UBXN2B: variants seen among roughly 807,000 people sequenced by gnomAD.
UBXN2B encodes UBX domain protein 2B.
UBXN2B carries 19 observed loss-of-function variants against 37.5 expected under a neutral mutation model. The observed-to-expected ratio is 0.51, with a 90% CI of 0.35 to 0.74. The LOEUF (loss-of-function observed/expected upper bound fraction) is 0.74, where lower values mean the gene tolerates loss of function less well. UBXN2B is among the 30% of genes least tolerant of loss of function. UBXN2B has a pLI of 0.01. For missense variants in UBXN2B, 370 were observed against 393.2 expected, an observed-to-expected ratio of 0.94 and a Z score of 0.50; for synonymous variants, 145 against 143.8, an observed-to-expected ratio of 1.01 and a Z score of -0.06.
intron 2 of UBXN2B, among the ~76,000 whole-genome samples, chr8:58,423,868 A>G (rs1199705364): frequency 2.6e-5 from 4 of 152,006 alleles, no homozygotes; most frequent in Admixed American, 6.6e-5. Flanking sequence ...TGCAAAGAAA[A>G]TATGGCAAAC....
rs200008585 is a variant in UBXN2B, at chr8:58,416,952, C to T, written c.187C>T (p.Arg63Trp). Reference sequence around the variant, plus strand: ...CAAGAGCCCACGGACACCACCTCAACGGTAAGTTTTATTTTGTTTTGTTGT... The same window carrying T: ...CAAGAGCCCACGGACACCACCTCAATGGTAAGTTTTATTTTGTTTTGTTGT... ...VFKSPRTPPQ[R>W]FYSSEHEYSG... The change falls in exon 2 of 8, where the codon CGG becomes TGG. Residue 63 changes from arginine to tryptophan, a missense_variant and splice_region_variant. Transcript: ENST00000399598. The T allele has an allele frequency of 1.4e-4, 215 of 1,589,808 alleles. No homozygotes were observed. Among genetic ancestry groups the T allele is most frequent in the Non-Finnish European group, 1.7e-4 (194 of 1,166,602 alleles).
chr8:58,443,051 T>G (rs899302019), intron 6 of UBXN2B, among the ~76,000 whole-genome samples: 1 of 152,198 alleles, frequency 6.6e-6, no homozygotes, highest in Non-Finnish European at 1.5e-5. Flanking sequence ...GACTCAGTAC[T>G]TCTGGGGACA....
chr8:58,426,367 C>T (rs1449898766), intron 2 of UBXN2B: 8 of 493,444 alleles, frequency 1.6e-5, no homozygotes, highest in South Asian at 4.0e-5. Context: ...CCACCATGCC[C>T]GGCTAATTTT....
At chr8:58,423,935 G>GA (rs917656902) in intron 2 of UBXN2B, among the ~76,000 whole-genome samples, 55 of 143,206 alleles carry the variant, frequency 3.8e-4, no homozygotes, top group South Asian at 4.5e-4. Flanking sequence ...TCATCGGCTG[G>GA]AAAAAAAAAA....
In UBXN2B at chr8:58,450,200, T is replaced by G. The variant is rs2129604838; in HGVS notation, c.*2649T>G. 6.6e-6 allele frequency: 1 copy of G among 152,334 alleles called. No individual in the cohort carries two copies. Among genetic ancestry groups the G allele is most frequent in the East Asian group, 1.9e-4 (1 of 5,188 alleles). 9.4% of individuals were successfully genotyped at this position (152,334 alleles called of 1,614,324 possible). On this transcript the variant is annotated 3_prime_UTR_variant, in exon 8 of 8. Coordinates refer to ENST00000399598, the MANE Select transcript of UBXN2B (RefSeq NM_001077619.2). ...TTTTGCCATTTGAATAGGCCGCGAA[T>G]TTCCCAAATCATCAAGTCCTGGTTT...
intron 2 of UBXN2B, 106 bp from the exon 3 acceptor site, chr8:58,430,413 C>T: frequency 1.2e-5 from 9 of 772,864 alleles, no homozygotes; most frequent in South Asian, 5.6e-5. Flanking sequence ...CAAAATAATG[C>T]CTCTTTTTAA....
chr8:58,444,364 C>G (rs1363563394), intron 6 of UBXN2B, among the ~76,000 whole-genome samples: 2 of 152,198 alleles, frequency 1.3e-5, no homozygotes, highest in African/African-American at 4.8e-5. Context: ...AGCACTGCTG[C>G]TGTTGGCTCT....
At chr8:58,417,889 C>T (rs992404410) in intron 2 of UBXN2B, among the ~76,000 whole-genome samples, 6 of 152,150 alleles carry the variant, frequency 3.9e-5, no homozygotes, top group Non-Finnish European at 7.4e-5. Flanking sequence ...GATACTTCAG[C>T]ATGAGTCTCC....
chr8:58,424,690 G>C (rs368491287), intron 2 of UBXN2B: 250 of 1,321,654 alleles, frequency 1.9e-4, no homozygotes, highest in South Asian at 6.2e-4. Context: ...TACAAGGCGG[G>C]GGGGGGGGCT....
chr8:58,417,695 T>C lies in UBXN2B; in HGVS notation c.188+742T>C, dbSNP rs952938473. Among the ~76,000 whole-genome samples the C allele has an allele frequency of 4.6e-5, 7 of 152,214 alleles. 1 individual carries two copies. Among genetic ancestry groups the C allele is most frequent in the African/African-American group, 1.4e-4 (6 of 41,454 alleles). Reference sequence around the variant, plus strand: ...CCCATTATATCTTATTCTCAGAAAGTCTATTTTATAAGTTTTCAGTTCATC... The same window carrying C: ...CCCATTATATCTTATTCTCAGAAAGCCTATTTTATAAGTTTTCAGTTCATC... On this transcript the variant is annotated intron_variant, in intron 2 of 7. Transcript: ENST00000399598.
intron 1 of UBXN2B, among the ~76,000 whole-genome samples, chr8:58,415,186 T>C (rs1218346902): frequency 6.6e-6 from 1 of 152,008 alleles, no homozygotes; most frequent in African/African-American, 2.4e-5. Context: ...GCTATGAGTA[T>C]TTAGAAAAAA....
At chr8:58,435,417 A>T (rs1808386096) in intron 5 of UBXN2B, among the ~76,000 whole-genome samples, 1 of 152,212 alleles carries the variant, frequency 6.6e-6, no homozygotes, top group Non-Finnish European at 1.5e-5. Context: ...TGCCCTAAGA[A>T]GTATGCTGAA....
At chr8:58,424,485 T>G in intron 2 of UBXN2B, 1 of 616,870 alleles carries the variant, frequency 1.6e-6, no homozygotes, top group Non-Finnish European at 2.9e-6. Context: ...GCCTTCCAAA[T>G]CCAAATTTGG....
intron 2 of UBXN2B, among the ~76,000 whole-genome samples, chr8:58,428,160 CAAAA>C: frequency 6.6e-6 from 1 of 152,058 alleles, no homozygotes; most frequent in Non-Finnish European, 1.5e-5. Flanking sequence ...ACAATGGGAG[CAAAA>C]ATCTTACCAC....
intron 5 of UBXN2B, among the ~76,000 whole-genome samples, chr8:58,436,124 C>T (rs561351813): frequency 6.6e-6 from 1 of 150,460 alleles, no homozygotes; most frequent in African/African-American, 2.4e-5. Context: ...CAGTCTAGCA[C>T]TTCCTATGTA....
intron 5 of UBXN2B, among the ~76,000 whole-genome samples, chr8:58,438,957 T>A (rs554366539): frequency 1.3e-5 from 2 of 152,144 alleles, no homozygotes; most frequent in Non-Finnish European, 2.9e-5. Flanking sequence ...GCCATCCCCA[T>A]GGTAATGAGT....
intron 2 of UBXN2B, among the ~76,000 whole-genome samples, chr8:58,430,184 C>T (rs1394490502): frequency 6.6e-6 from 1 of 152,270 alleles, no homozygotes. Context: ...GTTGACACTG[C>T]TTTTCCTTCT....
chr8:58,438,778 A>G (rs2129604469), intron 5 of UBXN2B, among the ~76,000 whole-genome samples: 1 of 152,268 alleles, frequency 6.6e-6, no homozygotes, highest in South Asian at 2.1e-4. Context: ...GGATGATTGT[A>G]TTTTGTGATG....
intron 2 of UBXN2B, among the ~76,000 whole-genome samples, chr8:58,427,497 T>C (rs1183073705): frequency 1.3e-5 from 2 of 152,174 alleles, no homozygotes; most frequent in Non-Finnish European, 2.9e-5. Context: ...ATTGAGGTAG[T>C]GTCAATGGAA....
Sources: allele counts gnomAD v4.1 joint callset (sites outside exome capture counted in the v4.1 genomes callset), GRCh38; gene constraint gnomAD v4.1.1; transcripts MANE v1.5; gene names NCBI Gene and HGNC (gene_info 2026-07-23, HGNC 2026-07-21).